Variants in GALNT2 observed in about 807,000 individuals in gnomAD.
GALNT2 encodes the protein polypeptide N-acetylgalactosaminyltransferase 2, also known as UDP-GalNAc:polypeptide N-acetylgalactosaminyltransferase 2.
GALNT2 carries 31 observed loss-of-function variants against 81.4 expected under a neutral mutation model. The ratio of observed to expected loss-of-function variants is 0.38; its 90% CI spans 0.29 to 0.51. The LOEUF is 0.51. Among genes scored for constraint, GALNT2 ranks in the 20% least tolerant of loss-of-function variants. The pLI is 0.87. For synonymous variants in GALNT2, 303 were observed against 287.4 expected (o/e 1.05, Z -0.55); for missense variants, 629 against 765.7 (o/e 0.82, Z 2.11).
intron 1 of GALNT2, among the ~76,000 whole-genome samples, chr1:230,153,867 T>C (rs1023809079): frequency 2.0e-5 from 3 of 152,202 alleles, no homozygotes; most frequent in Non-Finnish European, 2.9e-5. Flanking sequence ...GGAACTGATA[T>C]GTTCATAAAA....
upstream of GALNT2, among the ~76,000 whole-genome samples, chr1:230,065,362 G>A (rs1162190886): frequency 6.6e-6 from 1 of 151,986 alleles, no homozygotes; most frequent in African/African-American, 2.4e-5. Flanking sequence ...CTCAACCCTT[G>A]TTGCATTTCT....
At chr1:230,111,728 A>G (rs1571974694) in intron 1 of GALNT2, among the ~76,000 whole-genome samples, 1 of 152,162 alleles carries the variant, frequency 6.6e-6, no homozygotes, top group African/African-American at 2.4e-5. Flanking sequence ...TAAAATGAAC[A>G]CTGGTTCACT....
intron 2 of GALNT2, among the ~76,000 whole-genome samples, chr1:230,191,683 T>C (rs1663530648): frequency 6.6e-6 from 1 of 152,194 alleles, no homozygotes; most frequent in Non-Finnish European, 1.5e-5. Context: ...GACACATTTT[T>C]AAAATTTTTT....
intron 1 of GALNT2, among the ~76,000 whole-genome samples, chr1:230,158,974 T>C (rs964867636): frequency 6.6e-6 from 1 of 152,162 alleles, no homozygotes. Context: ...TCTGCAGCAA[T>C]TTATTATTCT....
intron 1 of GALNT2, among the ~76,000 whole-genome samples, chr1:230,094,079 C>T (rs1304354383): frequency 6.6e-6 from 1 of 152,056 alleles, no homozygotes; most frequent in African/African-American, 2.4e-5. Flanking sequence ...ATCACTGCAA[C>T]CTCGATCTCC....
intron 3 of GALNT2, among the ~76,000 whole-genome samples, chr1:230,222,090 G>C (rs575101578): frequency 7.3e-6 from 1 of 137,272 alleles, no homozygotes; most frequent in African/African-American, 2.8e-5. Context: ...GCAGTGGTGC[G>C]ATCTCAGCTC....
intron 9 of GALNT2, among the ~76,000 whole-genome samples, chr1:230,249,921 G>A (rs1665490824): frequency 6.6e-6 from 1 of 152,232 alleles, no homozygotes; most frequent in African/African-American, 2.4e-5. Context: ...TGGGAACAAA[G>A]TAGGGAGCTC....
chr1:230,060,193 A>T (rs1659011645), intron 1 of GALNT2, among the ~76,000 whole-genome samples: 1 of 152,234 alleles, frequency 6.6e-6, no homozygotes, highest in Non-Finnish European at 1.5e-5. Context: ...CTTACTTTAC[A>T]GAATGTTCCC....
chr1:230,276,135 TATATATACAC>T, intron 15 of GALNT2, among the ~76,000 whole-genome samples: 1 of 151,854 alleles, frequency 6.6e-6, no homozygotes, highest in Middle Eastern at 3.4e-3. Flanking sequence ...GATATATACA[TATATATACAC>T]ACCACATATA....
chr1:230,067,758 G>A (rs2102738619), intron 1 of GALNT2, among the ~76,000 whole-genome samples: 1 of 152,320 alleles, frequency 6.6e-6, no homozygotes, highest in Non-Finnish European at 1.5e-5. Flanking sequence ...AAGGGGGTGG[G>A]GAGGAGAGGA....
In GALNT2 at chr1:230,203,929, A is replaced by G. The variant is rs142104032; in HGVS notation, c.374+639A>G. Reference sequence around the variant, plus strand: ...AACCTCAAACTCTTGGGCTCAAGCAATCCTCCCATCTCAGCCTCCTGAGTA... The same window carrying G: ...AACCTCAAACTCTTGGGCTCAAGCAGTCCTCCCATCTCAGCCTCCTGAGTA... On this transcript the variant is annotated intron_variant, in intron 3 of 15. Transcript: ENST00000366672. 2.3e-3 allele frequency among the ~76,000 whole-genome samples: 344 copies of G among 151,856 alleles called. 1 individual carries two copies. The highest frequency in any genetic ancestry group is 8.0e-3 in the African/African-American group (328 of 41,212).
At chr1:230,145,361 C>T (rs547116797) in intron 1 of GALNT2, among the ~76,000 whole-genome samples, 1 of 152,336 alleles carries the variant, frequency 6.6e-6, no homozygotes, top group African/African-American at 2.4e-5. Context: ...GGCAGTCGGG[C>T]CTGGGCCTTC....
intron 1 of GALNT2, among the ~76,000 whole-genome samples, chr1:230,162,534 C>T (rs972791911): frequency 2.0e-5 from 3 of 152,186 alleles, no homozygotes; most frequent in African/African-American, 7.2e-5. Context: ...CCCTTAGAAG[C>T]TAGATTCCCT....
chr1:230,129,341 G>A (rs1327632537), intron 1 of GALNT2, among the ~76,000 whole-genome samples: 1 of 152,096 alleles, frequency 6.6e-6, no homozygotes, highest in Non-Finnish European at 1.5e-5. Context: ...TTTTAGAGAT[G>A]AGATCTTGCT....
chr1:230,192,527 C>T (rs1663561186), intron 2 of GALNT2, among the ~76,000 whole-genome samples: 1 of 152,102 alleles, frequency 6.6e-6, no homozygotes. Flanking sequence ...AGACCATGTA[C>T]AATAGGCTAA....
chr1:230,069,493 C>T (rs956540459), intron 1 of GALNT2, among the ~76,000 whole-genome samples: 3 of 152,078 alleles, frequency 2.0e-5, no homozygotes, highest in Admixed American at 1.3e-4. Context: ...AATGCAATAG[C>T]TTTTGAAATT....
intron 1 of GALNT2, among the ~76,000 whole-genome samples, chr1:230,124,853 T>TCA (rs200597540): frequency 0.067 from 10,198 of 152,214 alleles, 504 homozygotes; most frequent in South Asian, 0.14. Flanking sequence ...GGTCTTTCTC[T>TCA]CTGAGAACCC....
At chr1:230,155,899 G>T (rs1662236044) in intron 1 of GALNT2, among the ~76,000 whole-genome samples, 1 of 152,094 alleles carries the variant, frequency 6.6e-6, no homozygotes, top group Admixed American at 6.5e-5. Flanking sequence ...GACTAATTCT[G>T]TAGTGATTTT....
At chr1:230,154,514 T>A (rs1407543121) in intron 1 of GALNT2, among the ~76,000 whole-genome samples, 1 of 152,212 alleles carries the variant, frequency 6.6e-6, no homozygotes, top group Non-Finnish European at 1.5e-5. Context: ...AATGAAGCCC[T>A]AACCCCCAGG....
Sources: gnomAD v4.1 joint callset for allele counts (sites outside exome capture counted in the v4.1 genomes callset) on GRCh38, gnomAD v4.1.1 for gene constraint, MANE v1.5 for transcripts, NCBI Gene and HGNC (gene_info 2026-07-23, HGNC 2026-07-21) for gene names.